PRR5L: variants seen among roughly 807,000 people sequenced by gnomAD.
PRR5L encodes the protein proline rich 5 like.
PRR5L carries 21 observed loss-of-function variants against 36.4 expected under a neutral mutation model. That is an observed-to-expected ratio of 0.58 (90% CI 0.41 to 0.83). The LOEUF (loss-of-function observed/expected upper bound fraction) is 0.83, where lower values mean the gene tolerates loss of function less well. Ranked by LOEUF, PRR5L falls within the 40% of genes least tolerant of loss-of-function variation. The pLI is 0.00. For synonymous variants in PRR5L, 188 were observed against 197.0 expected, an observed-to-expected ratio of 0.95 and a Z score of 0.38; for missense variants, 381 against 473.3, an observed-to-expected ratio of 0.80 and a Z score of 1.81.
rs114909612 is a variant in PRR5L at position 36,399,103 on chromosome 11, A to T, written c.-125-1894A>T. On this transcript the variant is annotated intron_variant, in intron 1 of 8. Transcript: ENST00000530639. The stretch of plus-strand genomic sequence containing the variant: ...GGACCTTCTGTGGCTTTATTTCTTC[A>T]TCACCTCATTTTTTGGTTTGTGTAG... 8.4e-3 allele frequency among the ~76,000 whole-genome samples: 1,273 copies of T among 152,208 alleles called. 23 individuals carry two copies. Among genetic ancestry groups the T allele is most frequent in the African/African-American group, 0.029 (1,222 of 41,536 alleles).
intron 8 of PRR5L, among the ~76,000 whole-genome samples, chr11:36,460,015 C>T (rs1859145247): frequency 6.6e-6 from 1 of 152,146 alleles, no homozygotes; most frequent in Non-Finnish European, 1.5e-5. Flanking sequence ...TTAAAAATCA[C>T]CGGGTAATAC....
intron 1 of PRR5L, among the ~76,000 whole-genome samples, chr11:36,343,024 T>C (rs1013813219): frequency 6.6e-5 from 10 of 152,224 alleles, no homozygotes; most frequent in African/African-American, 2.2e-4. Context: ...ATCATGGTTT[T>C]GCAAAAGCGA....
intron 1 of PRR5L, among the ~76,000 whole-genome samples, chr11:36,366,413 TGA>T (rs71465991): frequency 2.1e-4 from 31 of 149,090 alleles, no homozygotes; most frequent in Middle Eastern, 3.4e-3. Flanking sequence ...TGTGTGTGTG[TGA>T]GAGAGAGAGA....
intron 8 of PRR5L, among the ~76,000 whole-genome samples, chr11:36,452,241 C>T (rs1858960344): frequency 6.6e-6 from 1 of 152,154 alleles, no homozygotes; most frequent in Admixed American, 6.5e-5. Flanking sequence ...GGAGCCAGCA[C>T]CCATGGAGAG....
chr11:36,440,601 A>T (rs1232267384), intron 6 of PRR5L, among the ~76,000 whole-genome samples: 1 of 152,204 alleles, frequency 6.6e-6, no homozygotes, highest in Non-Finnish European at 1.5e-5. Flanking sequence ...AGCGCCAAAG[A>T]GGAACAAAGT....
intron 1 of PRR5L, among the ~76,000 whole-genome samples, chr11:36,372,765 G>C (rs569533716): frequency 7.2e-4 from 109 of 152,278 alleles, no homozygotes; most frequent in Non-Finnish European, 1.0e-3. Flanking sequence ...AGGTCCCCTA[G>C]GTTTTTCAAG....
intron 3 of PRR5L, among the ~76,000 whole-genome samples, chr11:36,405,143 G>A (rs1040165530): frequency 6.6e-6 from 1 of 152,130 alleles, no homozygotes; most frequent in Non-Finnish European, 1.5e-5. Flanking sequence ...AGCCCAGGTA[G>A]CCCAGGAGCT....
intron 8 of PRR5L, among the ~76,000 whole-genome samples, chr11:36,460,052 TTTTG>T (rs1331453921): frequency 2.6e-5 from 4 of 152,170 alleles, no homozygotes; most frequent in Admixed American, 2.6e-4. Context: ...TAACTAGATA[TTTTG>T]ATGTAGCATT....
Position 36,462,771 on chromosome 11 carries a change from G to A in PRR5L, c.*35G>A. 1 of 1,509,284 alleles carries A rather than the reference G, an allele frequency of 6.6e-7. No individual in the cohort carries two copies. The highest frequency in any genetic ancestry group is 8.8e-7 in the Non-Finnish European group (1 of 1,130,270). 93.5% of individuals were successfully genotyped at this position (1,509,284 alleles called of 1,614,324 possible). Reference sequence around the variant, plus strand: ...CCTGGGCCTTTCCATCTCCTGTTTTGCAACCAGGATGAGGACCCCTCCATC... The same window carrying A: ...CCTGGGCCTTTCCATCTCCTGTTTTACAACCAGGATGAGGACCCCTCCATC... On this transcript the variant is annotated 3_prime_UTR_variant, in exon 9 of 9. Transcript: ENST00000530639.
intron 1 of PRR5L, among the ~76,000 whole-genome samples, chr11:36,386,964 GA>G (rs1857468370): frequency 1.3e-5 from 2 of 152,266 alleles, no homozygotes; most frequent in East Asian, 3.9e-4. Flanking sequence ...CACCACTTTT[GA>G]AAATCTGCTT....
intron 6 of PRR5L, among the ~76,000 whole-genome samples, chr11:36,440,392 C>T (rs1858695900): frequency 1.3e-5 from 2 of 152,136 alleles, no homozygotes; most frequent in African/African-American, 4.8e-5. Context: ...CTGCTGGTCA[C>T]TTATAAATCC....
At chr11:36,392,988 T>C (rs1299259578) in intron 1 of PRR5L, among the ~76,000 whole-genome samples, 2 of 152,226 alleles carry the variant, frequency 1.3e-5, no homozygotes, top group Non-Finnish European at 2.9e-5. Flanking sequence ...TTTTGAGAAA[T>C]GTCTATTCAG....
At chr11:36,462,045 C>A (rs993630168) in intron 8 of PRR5L, among the ~76,000 whole-genome samples, 7 of 152,334 alleles carry the variant, frequency 4.6e-5, no homozygotes, top group Middle Eastern at 3.4e-3. Context: ...GAAGCTCAGG[C>A]AGCAGCTGAA....
At chr11:36,380,158 G>C (rs1025012181) in intron 1 of PRR5L, among the ~76,000 whole-genome samples, 1 of 152,214 alleles carries the variant, frequency 6.6e-6, no homozygotes, top group Non-Finnish European at 1.5e-5. Flanking sequence ...AAAATGAGGA[G>C]ACAGGAGGTG....
In PRR5L at chr11:36,419,243, C is replaced by T. The variant is rs757464043; in HGVS notation, c.246-12C>T. ...GCTGCTTGACGGTGTTTCTCTTCTC[C>T]CTTCTCCCCAGGCGGCTGTTGAAGA... On this transcript the variant is annotated splice_polypyrimidine_tract_variant and intron_variant, in intron 3 of 8. Coordinates refer to ENST00000530639, the MANE Select transcript of PRR5L (RefSeq NM_001160167.2). 2.5e-6 allele frequency: 4 copies of T among 1,613,698 alleles called. No individual in the cohort carries two copies. In the East Asian group the frequency reaches 8.9e-5, roughly 36 times the overall value.
intron 1 of PRR5L, chr11:36,381,844 G>C (rs1857373644): frequency 6.6e-6 from 1 of 152,020 alleles, no homozygotes; most frequent in Admixed American, 6.6e-5. Context: ...CAGGACAATA[G>C]ATTCCTTTCA....
At chr11:36,453,757 G>A (rs939278706) in intron 8 of PRR5L, among the ~76,000 whole-genome samples, 6 of 152,168 alleles carry the variant, frequency 3.9e-5, no homozygotes, top group Non-Finnish European at 5.9e-5. Context: ...CGGGTCCCAG[G>A]GCACAGGGAT....
chr11:36,348,516 G>A (rs889214769), intron 1 of PRR5L, among the ~76,000 whole-genome samples: 5 of 152,020 alleles, frequency 3.3e-5, no homozygotes, highest in South Asian at 2.1e-4. Flanking sequence ...TGGAACTTCC[G>A]GGCACCTCTG....
intron 5 of PRR5L, among the ~76,000 whole-genome samples, chr11:36,434,668 G>A (rs910872360): frequency 2.6e-5 from 4 of 152,028 alleles, no homozygotes; most frequent in Non-Finnish European, 5.9e-5. Flanking sequence ...TTTATAGGAC[G>A]GTCACCTAGA....
Sources: gnomAD v4.1 joint callset for allele counts (sites outside exome capture counted in the v4.1 genomes callset) on GRCh38, gnomAD v4.1.1 for gene constraint, MANE v1.5 for transcripts, NCBI Gene and HGNC (gene_info 2026-07-23, HGNC 2026-07-21) for gene names.